Variants in PDE1A observed in about 807,000 individuals in gnomAD.
PDE1A encodes phosphodiesterase 1A.
PDE1A carries 35 observed loss-of-function variants against 61.7 expected under a neutral mutation model. That is an observed-to-expected ratio of 0.57 (90% CI 0.43 to 0.75). The LOEUF (loss-of-function observed/expected upper bound fraction) is 0.75, where lower values mean the gene tolerates loss of function less well. PDE1A is among the 30% of genes least tolerant of loss of function. The pLI is 0.00. For missense variants in PDE1A, 597 were observed against 630.6 expected (o/e 0.95, Z 0.57); for synonymous variants, 232 against 213.2 (o/e 1.09, Z -0.77).
intron 1 of PDE1A, among the ~76,000 whole-genome samples, chr2:182,378,358 G>A (rs971496559): frequency 6.6e-6 from 1 of 151,996 alleles, no homozygotes; most frequent in Admixed American, 6.6e-5. Flanking sequence ...TATTGACCTG[G>A]CCATGAAAAA....
intron 1 of PDE1A, among the ~76,000 whole-genome samples, chr2:182,357,773 A>G (rs1699278997): frequency 6.6e-6 from 1 of 152,262 alleles, no homozygotes; most frequent in Non-Finnish European, 1.5e-5. Flanking sequence ...TATTCTGAAT[A>G]ATATTGGGTT....
intron 1 of PDE1A, among the ~76,000 whole-genome samples, chr2:182,354,607 T>C (rs1176592124): frequency 6.6e-6 from 1 of 152,100 alleles, no homozygotes; most frequent in Non-Finnish European, 1.5e-5. Flanking sequence ...GTGAAAAACA[T>C]CTATGGCAAC....
intron 1 of PDE1A, among the ~76,000 whole-genome samples, chr2:182,383,768 G>A (rs1382759877): frequency 2.0e-5 from 3 of 152,154 alleles, no homozygotes; most frequent in African/African-American, 7.2e-5. Flanking sequence ...ACGGAGGATG[G>A]GAAGGACAAT....
At chr2:182,219,502 T>C (rs1559208128) in intron 7 of PDE1A, among the ~76,000 whole-genome samples, 2 of 152,122 alleles carry the variant, frequency 1.3e-5, no homozygotes, top group Non-Finnish European at 2.9e-5. Context: ...AACTCGTTCA[T>C]ATAAGTTGGC....
At chr2:182,681,508 A>T in the PDE1A span, among the ~76,000 whole-genome samples, 4 of 151,388 alleles carry the variant, frequency 2.6e-5, no homozygotes, top group Non-Finnish European at 5.9e-5. Flanking sequence ...GCACAAAAAA[A>T]ACCTGACAGC....
In PDE1A at chr2:182,364,344, CTTG is replaced by C. The variant is rs1169382025; in HGVS notation, c.53+62231_53+62233del. Among the ~76,000 whole-genome samples the C allele has an allele frequency of 2.0e-5, 3 of 151,504 alleles. No homozygotes were observed. The South Asian group carries it at 6.3e-4, about 32-fold the overall frequency. ...TAATTTCATATCTTCTCCTTTGTTT[CTTG>C]TTGTGTGTTGTGTTGTTTGGGTCAA... On this transcript the variant is annotated intron_variant, in intron 1 of 13. Transcript: ENST00000351439.
At chr2:182,264,712 A>G (rs1692477992) in intron 1 of PDE1A, among the ~76,000 whole-genome samples, 1 of 151,376 alleles carries the variant, frequency 6.6e-6, no homozygotes, top group Admixed American at 6.6e-5. Context: ...ACATTTTCAG[A>G]AAAGTATATT....
chr2:182,381,213 T>C (rs560207851), intron 1 of PDE1A, among the ~76,000 whole-genome samples: 4 of 152,230 alleles, frequency 2.6e-5, no homozygotes, highest in East Asian at 1.9e-4. Context: ...AATAGAACTA[T>C]TGAAGTTGTA....
chr2:182,172,965 T>C (rs1307436693), intron 13 of PDE1A, among the ~76,000 whole-genome samples: 2 of 151,982 alleles, frequency 1.3e-5, no homozygotes, highest in African/African-American at 2.4e-5. Flanking sequence ...GGTACAACAG[T>C]ATGAACCAAG....
rs1703628443 is a variant in PDE1A at position 182,426,478 on chromosome 2, C to T, written c.53+100G>A. 5 of 848,472 alleles carry T rather than the reference C, an allele frequency of 5.9e-6. No individual in the cohort carries two copies. In the East Asian group the frequency reaches 1.2e-4, roughly 21 times the overall value. The allele number at this position is 848,472 out of a possible 1,614,324, so 52.6% of individuals were successfully genotyped here. ...GTTAAACTTTAAGCACTCTTGATTG[C>T]TCTGCTGTAGCTTAGTGGCAGAATC... On this transcript the variant is annotated intron_variant, in intron 1 of 13. Coordinates refer to ENST00000351439, the Ensembl canonical transcript of PDE1A.
chr2:182,263,457 G>C (rs1692374823), intron 2 of PDE1A, among the ~76,000 whole-genome samples: 1 of 151,994 alleles, frequency 6.6e-6, no homozygotes, highest in Non-Finnish European at 1.5e-5. Flanking sequence ...TTTGACTTAA[G>C]TAGTCTTTGG....
chr2:182,153,828 T>C (rs1255263257), intron 13 of PDE1A, among the ~76,000 whole-genome samples: 3 of 151,984 alleles, frequency 2.0e-5, no homozygotes, highest in Admixed American at 6.6e-5. Context: ...GGGGTGAAAA[T>C]TGAGTCTGAT....
At chr2:182,457,311 A>G (rs1685990966) in intron 2 of PDE1A, among the ~76,000 whole-genome samples, 1 of 151,986 alleles carries the variant, frequency 6.6e-6, no homozygotes, top group Admixed American at 6.6e-5. Flanking sequence ...TTACCTGCAT[A>G]TGATATAGTA....
chr2:182,346,665 T>C (rs1049248850), intron 1 of PDE1A, among the ~76,000 whole-genome samples: 2 of 152,146 alleles, frequency 1.3e-5, no homozygotes, highest in Non-Finnish European at 2.9e-5. Flanking sequence ...GAGGGAAAAA[T>C]TGCAACCTGT....
the PDE1A span, among the ~76,000 whole-genome samples, chr2:182,602,812 A>G: frequency 2.0e-5 from 3 of 152,190 alleles, no homozygotes; most frequent in Admixed American, 6.5e-5. Flanking sequence ...GAATAAAACA[A>G]CATTAGAAAC....
intron 1 of PDE1A, among the ~76,000 whole-genome samples, chr2:182,365,901 T>A (rs1699811793): frequency 6.6e-6 from 1 of 152,016 alleles, no homozygotes; most frequent in East Asian, 1.9e-4. Flanking sequence ...AAACATTCAA[T>A]AAATCAATGG....
chr2:182,235,335 G>C (rs144740316), intron 3 of PDE1A, among the ~76,000 whole-genome samples: 2 of 152,198 alleles, frequency 1.3e-5, no homozygotes, highest in East Asian at 3.9e-4. Context: ...GTAGAGACAG[G>C]GTTTCACCAT....
chr2:182,505,141 A>G (rs1689325708), intron 2 of PDE1A, among the ~76,000 whole-genome samples: 1 of 152,248 alleles, frequency 6.6e-6, no homozygotes. Context: ...CCAGGCTGCA[A>G]GGCCACATGA....
At chr2:182,560,673 C>T in the PDE1A span, among the ~76,000 whole-genome samples, 1 of 152,174 alleles carries the variant, frequency 6.6e-6, no homozygotes, top group Non-Finnish European at 1.5e-5. Context: ...AGTTTACAGT[C>T]CCACCAACAG....
Sources: allele counts gnomAD v4.1 joint callset (sites outside exome capture counted in the v4.1 genomes callset), GRCh38; gene constraint gnomAD v4.1.1; transcripts MANE v1.5; gene names NCBI Gene and HGNC (gene_info 2026-07-23, HGNC 2026-07-21).